Variants in NBDY observed in about 807,000 individuals in gnomAD.
The protein encoded by NBDY is negative regulator of P-body association.
At chrX:56,816,912 A>G (rs2069913292) in intron 2 of NBDY, among the ~76,000 whole-genome samples, 1 of 111,379 alleles carries the variant, frequency 9.0e-6, no homozygotes, top group Admixed American at 9.6e-5. Context: ...AAATAAATAA[A>G]TAAATATAAA....
At chrX:56,729,943 G>T (rs904858826) in intron 1 of NBDY, among the ~76,000 whole-genome samples, 1 of 109,207 alleles carries the variant, frequency 9.2e-6, no homozygotes, top group Non-Finnish European at 1.9e-5. Flanking sequence ...TATATGTAGG[G>T]ATTTATTATA....
intron 2 of NBDY, among the ~76,000 whole-genome samples, chrX:56,761,688 G>A (rs1000206498): frequency 2.7e-5 from 3 of 113,090 alleles, no homozygotes; most frequent in African/African-American, 9.6e-5. Flanking sequence ...GGGAGGTCAG[G>A]ATTCGCCTGG....
At chrX:56,784,996 T>A (rs765036132) in intron 2 of NBDY, among the ~76,000 whole-genome samples, 1 of 111,998 alleles carries the variant, frequency 8.9e-6, no homozygotes, top group Admixed American at 9.4e-5. Context: ...CAAATCTTCC[T>A]GGATGTGTAG....
chrX:56,738,318 C>A (rs942571784), intron 2 of NBDY, among the ~76,000 whole-genome samples: 5 of 112,183 alleles, frequency 4.5e-5, no homozygotes, highest in Non-Finnish European at 9.4e-5. Context: ...CCACAGCAAC[C>A]AACACAGAAA....
intron 2 of NBDY, among the ~76,000 whole-genome samples, chrX:56,803,508 C>T (rs1488162838): frequency 8.9e-6 from 1 of 111,926 alleles, no homozygotes; most frequent in Non-Finnish European, 1.9e-5. Flanking sequence ...TCTGGACTGA[C>T]TGGTCTTGGG....
At chrX:56,805,380 C>T (rs1385063596) in intron 2 of NBDY, among the ~76,000 whole-genome samples, 1 of 112,267 alleles carries the variant, frequency 8.9e-6, no homozygotes, top group Non-Finnish European at 1.9e-5. Flanking sequence ...TGCTTCCATA[C>T]ATCCTCAGGC....
intron 2 of NBDY, among the ~76,000 whole-genome samples, chrX:56,734,293 T>A (rs1212770337): frequency 4.5e-5 from 5 of 111,689 alleles, no homozygotes; most frequent in Non-Finnish European, 7.5e-5. Context: ...TCCCTTACAC[T>A]GCTTCCTACA....
intron 2 of NBDY, among the ~76,000 whole-genome samples, chrX:56,802,106 A>T (rs1286479546): frequency 9.0e-6 from 1 of 111,280 alleles, no homozygotes; most frequent in African/African-American, 3.3e-5. Flanking sequence ...CAGACTGCCC[A>T]CGAACTCTCC....
At chrX:56,806,539 CT>C (rs2069851374) in intron 2 of NBDY, among the ~76,000 whole-genome samples, 1 of 112,041 alleles carries the variant, frequency 8.9e-6, no homozygotes, top group African/African-American at 3.3e-5. Flanking sequence ...GTATCTCATT[CT>C]GGTTTTGATT....
intron 2 of NBDY, among the ~76,000 whole-genome samples, chrX:56,786,645 TTTC>T (rs750759505): frequency 3.9e-5 from 4 of 103,446 alleles, no homozygotes; most frequent in Admixed American, 2.1e-4. Context: ...GCTTCTTCTT[TTTC>T]TTCTTCTTCT....
At chrX:56,738,191 A>T (rs767708634) in intron 2 of NBDY, among the ~76,000 whole-genome samples, 1 of 112,172 alleles carries the variant, frequency 8.9e-6, no homozygotes, top group South Asian at 3.7e-4. Context: ...CAATTCCTTG[A>T]CCTTTCTTTG....
intron 2 of NBDY, among the ~76,000 whole-genome samples, chrX:56,790,377 G>T (rs1393856958): frequency 8.9e-6 from 1 of 112,168 alleles, no homozygotes; most frequent in Non-Finnish European, 1.9e-5. Flanking sequence ...ACTCAGGGGT[G>T]TGTGAACCAC....
At chrX:56,802,253 A>C (rs1315668472) in intron 2 of NBDY, among the ~76,000 whole-genome samples, 4 of 112,245 alleles carry the variant, frequency 3.6e-5, no homozygotes, top group South Asian at 7.5e-4. Flanking sequence ...TTATCAGATA[A>C]GCCCCAGCAG....
chrX:56,790,547 G>A (rs981886427), intron 2 of NBDY, among the ~76,000 whole-genome samples: 2 of 112,271 alleles, frequency 1.8e-5, no homozygotes, highest in Non-Finnish European at 3.8e-5. Context: ...CATGCACCAC[G>A]GGGCACCTCC....
intron 2 of NBDY, among the ~76,000 whole-genome samples, chrX:56,736,338 C>T (rs2069492408): frequency 8.9e-6 from 1 of 112,137 alleles, no homozygotes; most frequent in South Asian, 3.7e-4. Flanking sequence ...AATCTAGGCC[C>T]ACTGCAGCCT....
chrX:56,750,097 A>G (rs762682182), intron 2 of NBDY, among the ~76,000 whole-genome samples: 1 of 112,080 alleles, frequency 8.9e-6, no homozygotes, highest in East Asian at 2.8e-4. Flanking sequence ...AGAATTGGAA[A>G]CCATTGGCAC....
At chrX:56,732,939 G>C (rs1443468633) in intron 2 of NBDY, among the ~76,000 whole-genome samples, 1 of 99,155 alleles carries the variant, frequency 1.0e-5, no homozygotes. Flanking sequence ...CTCGTCATTG[G>C]ATATTTGGTT....
intron 2 of NBDY, among the ~76,000 whole-genome samples, chrX:56,754,018 T>A (rs2069598404): frequency 9.0e-6 from 1 of 110,705 alleles, no homozygotes; most frequent in African/African-American, 3.3e-5. Flanking sequence ...GGGAACAAGG[T>A]TAAAGGAACC....
chrX:56,792,561 C>A (rs1340937540), intron 2 of NBDY, among the ~76,000 whole-genome samples: 1 of 110,696 alleles, frequency 9.0e-6, no homozygotes, highest in Non-Finnish European at 1.9e-5. Context: ...CATGCACGTG[C>A]AGACACAAAC....
Sources: gnomAD v4.1 joint callset for allele counts (sites outside exome capture counted in the v4.1 genomes callset) on GRCh38, gnomAD v4.1.1 for gene constraint, MANE v1.5 for transcripts, NCBI Gene and HGNC (gene_info 2026-07-23, HGNC 2026-07-21) for gene names.